The following CEP192 variants were observed in gnomAD, a reference collection of about 807,000 sequenced individuals.
The protein encoded by CEP192 is centrosomal protein of 192 kDa.
A neutral mutation model predicts 271.8 loss-of-function variants in CEP192; 151 were observed. The ratio of observed to expected loss-of-function variants is 0.56; its 90% CI spans 0.49 to 0.64. The LOEUF (loss-of-function observed/expected upper bound fraction) is 0.64. CEP192 is among the 30% of genes least tolerant of loss of function. CEP192 has a pLI of 0.00. For synonymous variants in CEP192, 995 were observed against 1,076.5 expected (o/e 0.92, Z 1.48); for missense variants, 2,910 against 3,020.5 (o/e 0.96, Z 0.86).
intron 13 of CEP192, among the ~76,000 whole-genome samples, chr18:13,040,508 A>C (rs891388389): frequency 6.6e-6 from 1 of 152,224 alleles, no homozygotes; most frequent in African/African-American, 2.4e-5. Context: ...TTTATATTGT[A>C]ATTTCCAGGA....
At chr18:13,053,720 C>A (rs150487518) in intron 18 of CEP192, among the ~76,000 whole-genome samples, 1 of 152,086 alleles carries the variant, frequency 6.6e-6, no homozygotes, top group African/African-American at 2.4e-5. Flanking sequence ...GAGACGATCT[C>A]GCTCTGTCAC....
chr18:12,992,985 AC>A (rs1448278578), intron 1 of CEP192, among the ~76,000 whole-genome samples: 1 of 152,244 alleles, frequency 6.6e-6, no homozygotes, highest in Non-Finnish European at 1.5e-5. Flanking sequence ...TTAATAGTTT[AC>A]ATGTCTGTAT....
intron 27 of CEP192, 41 bp downstream of exon 27, chr18:13,069,897 A>G (rs181646752): frequency 8.3e-7 from 1 of 1,203,356 alleles, no homozygotes; most frequent in East Asian, 2.4e-5. Context: ...ACAGTGGCTC[A>G]TGCCTGTAAT....
Position 12,999,549 on chromosome 18 carries a change from T to C in CEP192, c.125T>C (p.Val42Ala). Residue 42 changes from valine to alanine, a missense_variant, in exon 2 of 45, where the codon GTT (valine) becomes GCT (alanine). By Grantham distance (64) the Val-to-Ala change is moderately conservative. Transcript: ENST00000506447. ...TCAAATCTTGGCTTGCCTGTTGCTG[T>C]TTCTACACTTGCTAGGGATAGATCC... ...LSSNLGLPVA[V>A]STLARDRSST... 2 of 1,550,516 alleles carry C rather than the reference T, an allele frequency of 1.3e-6. No homozygotes were observed. Among genetic ancestry groups the C allele is most frequent in the Non-Finnish European group, 1.7e-6 (2 of 1,146,704 alleles).
intron 38 of CEP192, among the ~76,000 whole-genome samples, chr18:13,101,436 T>C (rs1023430381): frequency 6.6e-6 from 1 of 152,184 alleles, no homozygotes; most frequent in African/African-American, 2.4e-5. Flanking sequence ...AATGGTGATA[T>C]ATGTACAGCA....
Position 13,008,526 on chromosome 18 carries a change from T to A in CEP192, c.361T>A (p.Leu121Ile). 6.4e-7 allele frequency: 1 copy of A among 1,551,558 alleles called. No individual in the cohort carries two copies. Among genetic ancestry groups the A allele is most frequent in the Non-Finnish European group, 8.7e-7 (1 of 1,146,888 alleles). ...LSNALSKQSA[L>I]QMETAGPEEE... is the part of the protein sequence containing the mutation. ...AAATGCTCTCAGCAAACAGTCAGCT[T>A]TACAAATGGAGACAGCAGGACCAGA... The change falls in exon 4 of 45, where the codon TTA becomes ATA. Residue 121 changes from leucine to isoleucine, a missense_variant. Physicochemically the swap from Leu to Ile is conservative, Grantham distance 5. Transcript: ENST00000506447.
intron 9 of CEP192, among the ~76,000 whole-genome samples, chr18:13,024,856 A>G (rs993604414): frequency 1.4e-5 from 2 of 146,900 alleles, no homozygotes; most frequent in African/African-American, 5.1e-5. Flanking sequence ...TGCGACCTCC[A>G]CCTCCTGAGT....
Position 13,049,668 on chromosome 18 carries a change from A to G in CEP192, c.2877A>G (p.Ser959=). 6.2e-7 allele frequency: 1 copy of G among 1,608,460 alleles called. No homozygotes were observed. Among genetic ancestry groups the G allele is most frequent in the Non-Finnish European group, 8.5e-7 (1 of 1,176,976 alleles). The change falls in exon 16 of 45, where the codon TCA becomes TCG. Residue 959 remains serine (S), a synonymous_variant. Coordinates refer to ENST00000506447, the MANE Select transcript of CEP192 (RefSeq NM_032142.4). ...CTTTTGAAAACCATCGCATAGTCTC[A>G]CCTAAAAATAGTGGTAAGTGTCTGA... ...HVTFENHRIV[S]PKNSDLKNTS... is the part of the protein sequence containing the mutation.
chr18:13,004,059 C>T (rs981382208), intron 3 of CEP192, among the ~76,000 whole-genome samples: 3 of 152,138 alleles, frequency 2.0e-5, no homozygotes, highest in Non-Finnish European at 2.9e-5. Flanking sequence ...CTAACTATGT[C>T]AAATAAAATG....
At position 13,117,662 on chromosome 18, in the gene CEP192, A is replaced by T. The variant is rs1378345977; in HGVS notation, c.7475+19A>T. On this transcript the variant is annotated intron_variant, in intron 44 of 44. Transcript: ENST00000506447. ...CTTTGAGGTAAGTTTATCGCAGATC[A>T]CAGTGTTCTCATCAGCGATGCAGGA... 1.2e-6 allele frequency: 2 copies of T among 1,600,896 alleles called. No homozygotes were observed. Among genetic ancestry groups the T allele is most frequent in the Admixed American group, 3.3e-5 (2 of 59,852 alleles).
intron 9 of CEP192, among the ~76,000 whole-genome samples, chr18:13,022,357 T>A (rs1417757813): frequency 6.6e-6 from 1 of 152,120 alleles, no homozygotes; most frequent in Non-Finnish European, 1.5e-5. Flanking sequence ...TGCCTCTTTG[T>A]GTAAACTTTA....
At chr18:13,078,034 C>T (rs1598530023) in intron 30 of CEP192, among the ~76,000 whole-genome samples, 1 of 152,174 alleles carries the variant, frequency 6.6e-6, no homozygotes, top group East Asian at 1.9e-4. Context: ...TTGCTGCACA[C>T]ATCTACCCGT....
At chr18:13,000,542 C>T (rs1280647732) in intron 2 of CEP192, 1 of 152,230 alleles carries the variant, frequency 6.6e-6, no homozygotes, top group African/African-American at 2.4e-5. Context: ...CTTTACTGGA[C>T]TTGTATGGCT....
At position 13,056,136 on chromosome 18, in the gene CEP192, C is replaced by G; in HGVS notation, c.3546C>G (p.Ala1182=). 6.2e-7 allele frequency: 1 copy of G among 1,613,100 alleles called. No homozygotes were observed. ...KSGLSCQVGS[A]TSHPVSCQEP... ...GTCTGAGCTGTCAGGTGGGGTCAGC[C>G]ACATCACACCCTGTGTCCTGCCAGG... is the stretch of plus-strand genomic sequence containing the variant. Residue 1182 remains alanine (A), a synonymous_variant, in exon 19 of 45, where the codon GCC becomes GCG. Transcript: ENST00000506447.
intron 31 of CEP192, 72 bp downstream of exon 31, chr18:13,087,349 C>G: frequency 7.6e-7 from 1 of 1,320,176 alleles, no homozygotes; most frequent in Admixed American, 2.3e-5. Flanking sequence ...TATTTTAAAG[C>G]CAAAAGCTAA....
intron 7 of CEP192, 137 bp downstream of exon 7, chr18:13,017,473 G>C: frequency 1.8e-6 from 1 of 555,648 alleles, no homozygotes. Flanking sequence ...GGTATGAATT[G>C]ATAAGAAATG....
chr18:13,076,349 C>T (rs2038278479), intron 30 of CEP192, among the ~76,000 whole-genome samples: 3 of 152,170 alleles, frequency 2.0e-5, no homozygotes, highest in Non-Finnish European at 2.9e-5. Flanking sequence ...CTCAGCCTCC[C>T]GAGTAGCTGG....
intron 36 of CEP192, 57 bp downstream of exon 36, chr18:13,096,364 T>A: frequency 6.3e-7 from 1 of 1,583,320 alleles, no homozygotes; most frequent in Non-Finnish European, 8.6e-7. Context: ...TTGGTGACTT[T>A]CTAAAGATCA....
chr18:13,110,318 C>T (rs1349377689), intron 40 of CEP192, among the ~76,000 whole-genome samples: 1 of 152,144 alleles, frequency 6.6e-6, no homozygotes, highest in African/African-American at 2.4e-5. Flanking sequence ...TCCCTGCTTT[C>T]AAAGCCTACT....
Sources: allele counts gnomAD v4.1 joint callset (sites outside exome capture counted in the v4.1 genomes callset), GRCh38; gene constraint gnomAD v4.1.1; transcripts MANE v1.5; gene names NCBI Gene and HGNC (gene_info 2026-07-23, HGNC 2026-07-21).